KIRREL3: variants seen among roughly 807,000 people sequenced by gnomAD.
KIRREL3 encodes kin of IRRE-like protein 3.
A neutral mutation model predicts 89.7 loss-of-function variants in KIRREL3; 36 were observed. That is an observed-to-expected ratio of 0.40 (90% CI 0.31 to 0.53). The LOEUF (loss-of-function observed/expected upper bound fraction) is 0.53, where lower values mean the gene tolerates loss of function less well. KIRREL3 is among the 20% of genes least tolerant of loss of function. The pLI is 0.49. For synonymous variants in KIRREL3, 445 were observed against 441.4 expected (o/e 1.01, Z -0.10); for missense variants, 864 against 1,056.6 (o/e 0.82, Z 2.53).
In KIRREL3 at chr11:126,995,290, A is replaced by G. The variant is rs990355549; in HGVS notation, c.55+5165T>C. 4.4e-6 allele frequency: 2 copies of G among 456,028 alleles called. No individual in the cohort carries two copies. Among genetic ancestry groups the G allele is most frequent in the African/African-American group, 4.0e-5 (2 of 50,018 alleles). 28.2% of individuals were successfully genotyped at this position (456,028 alleles called of 1,614,324 possible). A position where few individuals can be genotyped will look rare whatever the true frequency, so the allele number is the denominator to read the frequency against. On this transcript the variant is annotated intron_variant, in intron 1 of 16. Coordinates refer to ENST00000525144, the MANE Select transcript of KIRREL3 (RefSeq NM_032531.4). The surrounding 1 kb of genome is among the most constrained non-coding windows in gnomAD (Gnocchi z 6.5). ...CACTCTGCTGCAAGCGCCACCATTA[A>G]AGTCAAGATCACTGTGGTGGGGGGA...
At chr11:126,425,319 G>A (rs1325388636) in intron 16 of KIRREL3, among the ~76,000 whole-genome samples, 2 of 152,238 alleles carry the variant, frequency 1.3e-5, no homozygotes, top group Non-Finnish European at 2.9e-5. Context: ...CTGGGTTTAT[G>A]TCAGGGCAAT....
rs895126321 is a variant in KIRREL3, at chr11:126,708,777, G to T, written c.56-145865C>A. On this transcript the variant is annotated intron_variant, in intron 1 of 16. Transcript: ENST00000525144. The surrounding 1 kb of genome is among the most constrained non-coding windows in gnomAD (Gnocchi z 5.7). Reference sequence around the variant, plus strand: ...GGAGTTCACTAGCTTTCCTCCCTCCGCTCTCCAGCTCCCGTTCCTACCAAA... The same window carrying T: ...GGAGTTCACTAGCTTTCCTCCCTCCTCTCTCCAGCTCCCGTTCCTACCAAA... 4.6e-5 allele frequency among the ~76,000 whole-genome samples: 7 copies of T among 152,088 alleles called. No individual in the cohort carries two copies. Among genetic ancestry groups the T allele is most frequent in the African/African-American group, 1.7e-4 (7 of 41,394 alleles).
intron 1 of KIRREL3, among the ~76,000 whole-genome samples, chr11:126,695,805 A>G (rs1947070683): frequency 6.6e-6 from 1 of 152,190 alleles, no homozygotes; most frequent in African/African-American, 2.4e-5. Context: ...TCCTTTTCCC[A>G]TGAAGACAAG....
At position 126,526,779 on chromosome 11, in the gene KIRREL3, G is replaced by T; in HGVS notation, c.134-92C>A. ...GCTATGGAAGCAGAGCAGGGCTGGC[G>T]CAGGAGACTGAGCCTCCTGAAGCAC... On this transcript the variant is annotated intron_variant, in intron 2 of 16. Transcript: ENST00000525144. This position sits in a 1 kb window ranked among gnomAD's most constrained non-coding sequence, Gnocchi z 5.7. 2 of 1,388,710 alleles carry T rather than the reference G, an allele frequency of 1.4e-6. No homozygotes were observed. The highest frequency in any genetic ancestry group is 2.0e-6 in the Non-Finnish European group (2 of 1,015,908). 86.0% of individuals were successfully genotyped at this position (1,388,710 alleles called of 1,614,324 possible).
chr11:126,716,184 A>G (rs1947954665), intron 1 of KIRREL3, among the ~76,000 whole-genome samples: 1 of 152,030 alleles, frequency 6.6e-6, no homozygotes, highest in South Asian at 2.1e-4. Context: ...GTTAGAATAA[A>G]GATTTGGGAA....
rs1480702033 is a variant in KIRREL3 at position 126,996,264 on chromosome 11, G to A, written c.55+4191C>T. Among the ~76,000 whole-genome samples, 1 of 152,190 alleles carries A rather than the reference G, an allele frequency of 6.6e-6. No individual in the cohort carries two copies. The highest frequency in any genetic ancestry group is 1.5e-5 in the Non-Finnish European group (1 of 68,030). On this transcript the variant is annotated intron_variant, in intron 1 of 16. Transcript: ENST00000525144. This position sits in a 1 kb window ranked among gnomAD's most constrained non-coding sequence, Gnocchi z 4.7. ...CTCTAGACAAGACGTCATCCCACAT[G>A]GGGTTCTGGTAGGAGGGAGAAACAC...
At position 126,970,712 on chromosome 11, in the gene KIRREL3, C is replaced by A. The variant is rs935125458; in HGVS notation, c.55+29743G>T. Among the ~76,000 whole-genome samples, 1 of 152,160 alleles carries A rather than the reference C, an allele frequency of 6.6e-6. No homozygotes were observed. Among genetic ancestry groups the A allele is most frequent in the African/African-American group, 2.4e-5 (1 of 41,442 alleles). ...AAATGATAAACATACAGCATTTCAACCACATCCCTAGTTAAGTAAAATTTT... is the reference window on the plus strand; with the variant it reads ...AAATGATAAACATACAGCATTTCAAACACATCCCTAGTTAAGTAAAATTTT... On this transcript the variant is annotated intron_variant, in intron 1 of 16. Coordinates refer to ENST00000525144, the MANE Select transcript of KIRREL3 (RefSeq NM_032531.4). The surrounding 1 kb of genome is among the most constrained non-coding windows in gnomAD (Gnocchi z 4.4).
At chr11:126,836,456 C>T (rs770059692) in intron 1 of KIRREL3, among the ~76,000 whole-genome samples, 16 of 144,414 alleles carry the variant, frequency 1.1e-4, no homozygotes, top group South Asian at 2.4e-4. Flanking sequence ...AGCCAATATA[C>T]GGAAGATGAA....
chr11:126,824,250 T>C (rs1364008560), intron 1 of KIRREL3, among the ~76,000 whole-genome samples: 1 of 152,212 alleles, frequency 6.6e-6, no homozygotes, highest in East Asian at 1.9e-4. Context: ...GGCAAGCTGA[T>C]GTCTGCATAT....
intron 1 of KIRREL3, among the ~76,000 whole-genome samples, chr11:126,902,477 T>A (rs1018771178): frequency 1.3e-5 from 2 of 152,268 alleles, no homozygotes; most frequent in Non-Finnish European, 2.9e-5. Context: ...ATATTTCTTA[T>A]GAAACTAGGT....
In KIRREL3 at chr11:126,736,147, G is replaced by T. The variant is rs1378879446; in HGVS notation, c.56-173235C>A. ...GGCTACCTTGCATTTCTGTGGATTT[G>T]GTCACAAGAGGGATTGTCTAGAGAG... On this transcript the variant is annotated intron_variant, in intron 1 of 16. Coordinates refer to ENST00000525144, the MANE Select transcript of KIRREL3 (RefSeq NM_032531.4). This position sits in a 1 kb window ranked among gnomAD's most constrained non-coding sequence, Gnocchi z 5.0. Among the ~76,000 whole-genome samples, 1 of 152,140 alleles carries T rather than the reference G, an allele frequency of 6.6e-6. No individual in the cohort carries two copies. The highest frequency in any genetic ancestry group is 1.5e-5 in the Non-Finnish European group (1 of 68,042).
At position 126,424,856 on chromosome 11, in the gene KIRREL3, G is replaced by A; in HGVS notation, c.2061C>T (p.Arg687=). The change falls in exon 17 of 17, where the codon CGC becomes CGT. Residue 687 remains arginine (R), a synonymous_variant. Transcript: ENST00000525144. ...CAAACCGCTGCCCGTAGTCGTAGAGGCGGCCCTGGCCGCTCAGGGTGCTGT... is the reference window on the plus strand; with the variant it reads ...CAAACCGCTGCCCGTAGTCGTAGAGACGGCCCTGGCCGCTCAGGGTGCTGT... ...NIYSTLSGQG[R]LYDYGQRFVL... 1 of 1,613,970 alleles carries A rather than the reference G, an allele frequency of 6.2e-7. No individual in the cohort carries two copies. The highest frequency in any genetic ancestry group is 8.5e-7 in the Non-Finnish European group (1 of 1,179,846).
At position 126,471,086 on chromosome 11, in the gene KIRREL3, A is replaced by C. The variant is rs937307300; in HGVS notation, c.591+2223T>G. On this transcript the variant is annotated intron_variant, in intron 5 of 16. Coordinates refer to ENST00000525144, the MANE Select transcript of KIRREL3 (RefSeq NM_032531.4). The surrounding 1 kb of genome is among the most constrained non-coding windows in gnomAD (Gnocchi z 5.4). ...GAAAAGACAGTTTGCGGCCGGGCGC[A>C]GTGGCTCAGTCCTGTAATCCCAGCA... Among the ~76,000 whole-genome samples the C allele has an allele frequency of 1.3e-5, 2 of 152,194 alleles. No individual in the cohort carries two copies. Among genetic ancestry groups the C allele is most frequent in the Non-Finnish European group, 2.9e-5 (2 of 68,046 alleles).
intron 1 of KIRREL3, among the ~76,000 whole-genome samples, chr11:126,887,467 TC>T (rs1225369219): frequency 6.6e-6 from 1 of 152,144 alleles, no homozygotes; most frequent in African/African-American, 2.4e-5. Flanking sequence ...CTGTTCTTTT[TC>T]CAAATTTATG....
chr11:126,536,775 G>A (rs771887712), intron 2 of KIRREL3, among the ~76,000 whole-genome samples: 1 of 150,582 alleles, frequency 6.6e-6, no homozygotes, highest in Non-Finnish European at 1.5e-5. Context: ...CTCCAAAGTA[G>A]CCGAGACTAC....
chr11:126,472,812 TGA>T (rs1257680283), intron 5 of KIRREL3, among the ~76,000 whole-genome samples: 6 of 124,804 alleles, frequency 4.8e-5, no homozygotes, highest in African/African-American at 8.9e-5. Context: ...TGACACAGAG[TGA>T]GAGAGCAAAA....
In KIRREL3 at chr11:126,475,612, C is replaced by G. The variant is rs560088450; in HGVS notation, c.434-2146G>C. ...GGAACAGAGTCTGCCTCAGGCAACC[C>G]TGCCTGGCCCTGGGCTCTTGAGCCG... On this transcript the variant is annotated intron_variant, in intron 4 of 16. Transcript: ENST00000525144. The surrounding 1 kb of genome is among the most constrained non-coding windows in gnomAD (Gnocchi z 7.5). Among the ~76,000 whole-genome samples, 867 of 152,288 alleles carry G rather than the reference C, an allele frequency of 5.7e-3. 3 individuals carry two copies. The highest frequency in any genetic ancestry group is 9.4e-3 in the Non-Finnish European group (640 of 68,010).
chr11:126,473,422 G>A lies in KIRREL3; in HGVS notation c.478C>T (p.Leu160=). 1 of 1,583,930 alleles carries A rather than the reference G, an allele frequency of 6.3e-7. No homozygotes were observed. Among genetic ancestry groups the A allele is most frequent in the Non-Finnish European group, 8.6e-7 (1 of 1,160,440 alleles). ...PVILGGPVIS[L]RAGDPLNLTC... ...AGGTTGAGAGGGTCCCCCGCACGCA[G>A]GCTGATCACAGGGCCCCCCAGGATG... The change falls in exon 5 of 17, where the codon CTG becomes TTG. Residue 160 remains leucine, a synonymous_variant. Transcript: ENST00000525144.
At chr11:126,453,831 G>C (rs547897803) in intron 7 of KIRREL3, among the ~76,000 whole-genome samples, 33 of 152,242 alleles carry the variant, frequency 2.2e-4, no homozygotes, top group Middle Eastern at 3.4e-3. Context: ...AGGCCATGAG[G>C]GAAGGTGACC....
Sources: gnomAD v4.1 joint callset for allele counts (sites outside exome capture counted in the v4.1 genomes callset) on GRCh38, gnomAD v4.1.1 for gene constraint, Gnocchi (gnomAD v3.1) non-coding constraint, MANE v1.5 for transcripts, NCBI Gene and HGNC (gene_info 2026-07-23, HGNC 2026-07-21) for gene names.